PRKCB: variants seen among roughly 807,000 people sequenced by gnomAD.
PRKCB encodes protein kinase C beta, also known as protein kinase C beta type.
In PRKCB, 13 loss-of-function variants were observed where a neutral mutation model predicts 81.5. That is an observed-to-expected ratio of 0.16 (90% CI 0.10 to 0.25). The LOEUF (loss-of-function observed/expected upper bound fraction) is 0.25, where lower values mean the gene tolerates loss of function less well. Among genes scored for constraint, PRKCB ranks in the 10% least tolerant of loss-of-function variants. The pLI, the probability that PRKCB is intolerant of heterozygous loss-of-function variation, is 1.00. For synonymous variants in PRKCB, 335 were observed against 321.4 expected (o/e 1.04, Z -0.45); for missense variants, 509 against 875.7 (o/e 0.58, Z 5.29).
chr16:24,113,075 G>T lies in PRKCB; in HGVS notation c.918+6G>T. The T allele has an allele frequency of 1.2e-6, 2 of 1,601,322 alleles. No homozygotes were observed. Among genetic ancestry groups the T allele is most frequent in the Non-Finnish European group, 1.7e-6 (2 of 1,173,232 alleles). ...AACTGCGGCAGAAATTTGAGGTGAGGTTTCTTTTCTTTTTCTCTTCTTTCT... is the reference window on the plus strand; with the variant it reads ...AACTGCGGCAGAAATTTGAGGTGAGTTTTCTTTTCTTTTTCTCTTCTTTCT... On this transcript the variant is annotated splice_donor_region_variant and intron_variant, in intron 8 of 16. Coordinates refer to ENST00000643927, the MANE Select transcript of PRKCB (RefSeq NM_002738.7).
chr16:24,086,748 GTTCCTCT>G (rs1966315205), intron 5 of PRKCB, among the ~76,000 whole-genome samples: 2 of 152,096 alleles, frequency 1.3e-5, no homozygotes, highest in South Asian at 4.1e-4. Flanking sequence ...CTCAAATCAG[GTTCCTCT>G]ACCTGTTCCT....
chr16:23,993,931 A>T (rs1964922330), intron 3 of PRKCB, among the ~76,000 whole-genome samples: 1 of 152,208 alleles, frequency 6.6e-6, no homozygotes, highest in Admixed American at 6.5e-5. Flanking sequence ...GTCTAACTTG[A>T]ATCATAAAAA....
At chr16:24,067,968 G>T (rs540503800) in intron 5 of PRKCB, among the ~76,000 whole-genome samples, 1 of 151,508 alleles carries the variant, frequency 6.6e-6, no homozygotes, top group Admixed American at 6.6e-5. Flanking sequence ...AAGAGAGAGA[G>T]AGAGAGCTGA....
At chr16:24,038,345 T>C (rs1262354425) in intron 5 of PRKCB, among the ~76,000 whole-genome samples, 1 of 152,234 alleles carries the variant, frequency 6.6e-6, no homozygotes, top group East Asian at 1.9e-4. Context: ...TTGTAGGATT[T>C]CATTTCTTTG....
intron 2 of PRKCB, among the ~76,000 whole-genome samples, chr16:23,857,751 C>T (rs973518633): frequency 1.3e-5 from 2 of 151,874 alleles, no homozygotes; most frequent in Non-Finnish European, 2.9e-5. Context: ...TGCGCACGTG[C>T]GTCTGCAGTC....
chr16:23,948,989 G>A (rs1964239905), intron 2 of PRKCB, among the ~76,000 whole-genome samples: 1 of 152,146 alleles, frequency 6.6e-6, no homozygotes, highest in Non-Finnish European at 1.5e-5. Flanking sequence ...ACGCCTGTTG[G>A]TTTTTTACTG....
Position 24,215,627 on chromosome 16 carries a change from G to C in PRKCB, c.*811G>C, listed in dbSNP as rs1968214682. The C allele has an allele frequency of 1.0e-6, 1 of 983,506 alleles. No individual in the cohort carries two copies. Among genetic ancestry groups the C allele is most frequent in the African/African-American group, 1.8e-5 (1 of 56,536 alleles). The allele number at this position is 983,506 out of a possible 1,614,324, so 60.9% of individuals were successfully genotyped here. A position where few individuals can be genotyped will look rare whatever the true frequency, so the allele number is the denominator to read the frequency against. On this transcript the variant is annotated 3_prime_UTR_variant, in exon 17 of 17. Transcript: ENST00000643927. The stretch of plus-strand genomic sequence containing the variant: ...TTTGCTTTGGGGTTTTGTTTCTGTT[G>C]TTGTTCAAATGCAAAAAAAAGAAAA...
At chr16:23,962,784 G>GGTTTTTTTGGTTACATGGATAA (rs1475436366) in intron 2 of PRKCB, among the ~76,000 whole-genome samples, 1 of 151,690 alleles carries the variant, frequency 6.6e-6, no homozygotes, top group African/African-American at 2.4e-5. Context: ...GGGAGCAAGT[G>GGTTTTTTTGGTTACATGGATAA]GTTTTTTTGG....
In PRKCB at chr16:23,878,419, C is replaced by T. The variant is rs566876557; in HGVS notation, c.205+41013C>T. Among the ~76,000 whole-genome samples, 9 of 152,280 alleles carry T rather than the reference C, an allele frequency of 5.9e-5. No homozygotes were observed. The South Asian group carries it at 6.2e-4, about 11-fold the overall frequency. ...TATATAACACACGCATGACACATCT[C>T]GGACTCCTTGCACTTAGGAACACCA... On this transcript the variant is annotated intron_variant, in intron 2 of 16. Transcript: ENST00000643927.
chr16:24,121,077 C>T (rs1219689449), intron 8 of PRKCB, among the ~76,000 whole-genome samples: 1 of 152,196 alleles, frequency 6.6e-6, no homozygotes, highest in Non-Finnish European at 1.5e-5. Context: ...TCTTAAGGTC[C>T]TTTCAACACT....
intron 2 of PRKCB, among the ~76,000 whole-genome samples, chr16:23,851,354 G>A (rs1002012548): frequency 2.0e-5 from 3 of 152,158 alleles, no homozygotes; most frequent in East Asian, 1.9e-4. Context: ...TTCCCTCATT[G>A]TGTGTTTTTG....
At chr16:23,993,688 T>C (rs1436530874) in intron 3 of PRKCB, among the ~76,000 whole-genome samples, 1 of 152,180 alleles carries the variant, frequency 6.6e-6, no homozygotes, top group Non-Finnish European at 1.5e-5. Context: ...GCAATGGGAA[T>C]AATTGGGTCC....
rs375877251 is a variant in PRKCB at position 23,885,522 on chromosome 16, T to C, written c.205+48116T>C. Among the ~76,000 whole-genome samples, 5 of 152,182 alleles carry C rather than the reference T, an allele frequency of 3.3e-5. No individual in the cohort carries two copies. The East Asian group carries it at 9.6e-4, about 29-fold the overall frequency. ...TGGGGTTTCACCATCTTGGCCAGGC[T>C]GGTCTCAAACTCCTGACCTAGTGAT... On this transcript the variant is annotated intron_variant, in intron 2 of 16. Coordinates refer to ENST00000643927, the MANE Select transcript of PRKCB (RefSeq NM_002738.7).
intron 2 of PRKCB, among the ~76,000 whole-genome samples, chr16:23,856,263 C>T (rs1342988154): frequency 6.6e-6 from 1 of 152,178 alleles, no homozygotes; most frequent in African/African-American, 2.4e-5. Context: ...GCTACACACT[C>T]CTGAGTCACA....
At chr16:24,141,028 T>C (rs950216847) in intron 9 of PRKCB, among the ~76,000 whole-genome samples, 13 of 152,208 alleles carry the variant, frequency 8.5e-5, no homozygotes, top group Admixed American at 6.5e-4. Context: ...CATTTAGTTA[T>C]AATTTTTGCA....
rs575693911 is a variant in PRKCB at position 24,014,946 on chromosome 16, G to A, written c.289-17190G>A. Among the ~76,000 whole-genome samples the A allele has an allele frequency of 2.0e-4, 31 of 152,170 alleles. No homozygotes were observed. In the South Asian group the frequency reaches 4.8e-3, roughly 23 times the overall value. On this transcript the variant is annotated intron_variant, in intron 3 of 16. Transcript: ENST00000643927. Reference sequence around the variant, plus strand: ...CAAGTAGCTGGGACTACAGGCACCCGCCACCATGCCCAGCTAGCTAATTTT... The same window carrying A: ...CAAGTAGCTGGGACTACAGGCACCCACCACCATGCCCAGCTAGCTAATTTT...
intron 3 of PRKCB, among the ~76,000 whole-genome samples, chr16:24,005,226 GAA>G (rs11333770): frequency 4.1e-5 from 6 of 147,970 alleles, no homozygotes; most frequent in East Asian, 2.0e-4. Flanking sequence ...ATTGCTAAAT[GAA>G]AAAAAAAAAG....
chr16:24,104,518 T>G (rs541304099), intron 7 of PRKCB, among the ~76,000 whole-genome samples: 1 of 152,288 alleles, frequency 6.6e-6, no homozygotes, highest in East Asian at 1.9e-4. Flanking sequence ...ATGGCATGTT[T>G]GAGGCTGATA....
intron 9 of PRKCB, among the ~76,000 whole-genome samples, chr16:24,129,555 C>T (rs1966850191): frequency 6.6e-6 from 1 of 152,106 alleles, no homozygotes; most frequent in African/African-American, 2.4e-5. Context: ...ATCCATCTGT[C>T]TATCTAATCT....
Sources: gnomAD v4.1 joint callset for allele counts (sites outside exome capture counted in the v4.1 genomes callset) on GRCh38, gnomAD v4.1.1 for gene constraint, MANE v1.5 for transcripts, NCBI Gene and HGNC (gene_info 2026-07-23, HGNC 2026-07-21) for gene names.